Variants in ZNF800 observed in about 807,000 individuals in gnomAD.
ZNF800 encodes the protein zinc finger protein 800.
In ZNF800, 13 loss-of-function variants were observed where a neutral mutation model predicts 59.5. That is an observed-to-expected ratio of 0.22 (90% CI 0.14 to 0.35). The LOEUF (loss-of-function observed/expected upper bound fraction) is 0.35. ZNF800 is among the 10% of genes least tolerant of loss of function. The probability of loss-of-function intolerance (pLI) is 1.00; values close to 1 mark genes in which losing one functional copy is unlikely to be tolerated. For synonymous variants in ZNF800, 266 were observed against 265.7 expected (o/e 1.00, Z -0.01); for missense variants, 621 against 783.7 (o/e 0.79, Z 2.48).
chr7:127,344,789 T>C (rs1384855612), downstream of ZNF800, among the ~76,000 whole-genome samples: 1 of 152,100 alleles, frequency 6.6e-6, no homozygotes. Context: ...TAAATGATGA[T>C]ACAACAACTA....
At chr7:127,384,674 G>A (rs1012218186) in intron 3 of ZNF800, among the ~76,000 whole-genome samples, 1 of 151,990 alleles carries the variant, frequency 6.6e-6, no homozygotes, top group Non-Finnish European at 1.5e-5. Flanking sequence ...TCATTTCCAT[G>A]GTATGAGAAA....
At chr7:127,351,019 TGA>T (rs1221829638) in intron 1 of ZNF800, among the ~76,000 whole-genome samples, 2 of 152,238 alleles carry the variant, frequency 1.3e-5, no homozygotes, top group Non-Finnish European at 2.9e-5. Context: ...CTGGATGCAC[TGA>T]GAGGCATCAA....
chr7:127,367,087 CT>C (rs1409373063), downstream of ZNF800, among the ~76,000 whole-genome samples: 1 of 152,102 alleles, frequency 6.6e-6, no homozygotes, highest in African/African-American at 2.4e-5. Flanking sequence ...AGAAGCAATA[CT>C]TCTGCTGCTC....
At chr7:127,343,630 A>G (rs941265357), downstream of ZNF800, among the ~76,000 whole-genome samples, 2 of 152,022 alleles carry the variant, frequency 1.3e-5, no homozygotes, top group African/African-American at 4.8e-5. Context: ...TTCATATGCT[A>G]TGTACCAATC....
intron 1 of ZNF800, chr7:127,361,259 AAG>A (rs1418521066): frequency 6.6e-6 from 1 of 152,108 alleles, no homozygotes; most frequent in African/African-American, 2.4e-5. Flanking sequence ...CCTTAGAAAA[AAG>A]AGCACGAATT....
At chr7:127,356,342 A>T (rs1037298805) in intron 1 of ZNF800, among the ~76,000 whole-genome samples, 2 of 151,934 alleles carry the variant, frequency 1.3e-5, no homozygotes, top group Admixed American at 6.6e-5. Context: ...AGAAATTTCT[A>T]AAAATGTATT....
intron 1 of ZNF800, among the ~76,000 whole-genome samples, chr7:127,353,490 T>C (rs1444057982): frequency 1.3e-5 from 2 of 152,214 alleles, no homozygotes; most frequent in Admixed American, 1.3e-4. Flanking sequence ...GAATTTTAAC[T>C]ATGATGATGG....
At chr7:127,363,409 T>G (rs1434825566) in intron 1 of ZNF800, 2 of 151,610 alleles carry the variant, frequency 1.3e-5, no homozygotes, top group African/African-American at 4.9e-5. Context: ...CAAAAGCCAG[T>G]GGCAAAAGAG....
In ZNF800 at chr7:127,374,614, G is replaced by A. The variant is rs773581181; in HGVS notation, c.722C>T (p.Ser241Phe). ...ICCLCRKEFN[S>F]RRGVRRHIRK... ...AATGTGACGGCGAACACCTCGTCTA[G>A]AATTGAATTCTTTTCTACAAAGACA... The change falls in exon 5 of 6, where the codon TCT becomes TTT. Residue 241 changes from serine to phenylalanine, a missense_variant. This residue lies in a region of ZNF800 where 218 missense variants were observed against 230.8 expected (regional missense o/e 0.94). Transcript: ENST00000265827. 1 of 1,614,052 alleles carries A rather than the reference G, an allele frequency of 6.2e-7. No homozygotes were observed. Among genetic ancestry groups the A allele is most frequent in the South Asian group, 1.1e-5 (1 of 91,078 alleles).
rs534708400 is a variant in ZNF800, at chr7:127,377,604, T to A, written c.158-275A>T. Among the ~76,000 whole-genome samples the A allele has an allele frequency of 6.6e-6, 1 of 152,102 alleles. No homozygotes were observed. The highest frequency in any genetic ancestry group is 2.1e-4 in the South Asian group (1 of 4,824). On this transcript the variant is annotated intron_variant, in intron 3 of 5. Coordinates refer to ENST00000265827, the MANE Select transcript of ZNF800 (RefSeq NM_176814.5). This position sits in a 1 kb window ranked among gnomAD's most constrained non-coding sequence, Gnocchi z 4.7. ...TTCTTGATATATCCCAAGGCAGTGG[T>A]TCCGACATGAGGTTAATCATTACAA...
At chr7:127,349,792 A>G (rs1361937) in intron 1 of ZNF800, 138,371 of 152,276 alleles carry the variant, frequency 0.91, 62,978 homozygotes, top group East Asian at 1. Flanking sequence ...AAAAACCTTA[A>G]TATTCCCCAA....
At position 127,392,303 on chromosome 7, in the gene ZNF800, C is replaced by G. The variant is rs1013403798; in HGVS notation, c.-302G>C. ...AGACGACTGCGGCGGCGGCTCACGG[C>G]GTCCTCCGCGCTGTGTGGCTAGGCG... is the stretch of plus-strand genomic sequence containing the variant. On this transcript the variant is annotated 5_prime_UTR_variant, in exon 1 of 6. Transcript: ENST00000265827. 2.6e-6 allele frequency: 1 copy of G among 388,492 alleles called. No individual in the cohort carries two copies. Among genetic ancestry groups the G allele is most frequent in the African/African-American group, 2.1e-5 (1 of 48,134 alleles). 24.1% of individuals were successfully genotyped at this position (388,492 alleles called of 1,614,324 possible).
downstream of ZNF800, among the ~76,000 whole-genome samples, chr7:127,367,667 T>C (rs1800542012): frequency 6.6e-6 from 1 of 152,148 alleles, no homozygotes; most frequent in African/African-American, 2.4e-5. Context: ...TCCATCAATA[T>C]TGAGAAGATA....
intron 1 of ZNF800, among the ~76,000 whole-genome samples, chr7:127,349,128 A>C (rs1800126313): frequency 6.6e-6 from 1 of 152,164 alleles, no homozygotes; most frequent in African/African-American, 2.4e-5. Flanking sequence ...ACTTGGGAAC[A>C]CACAGTTTGC....
At position 127,382,893 on chromosome 7, in the gene ZNF800, T is replaced by C. The variant is rs1035302217; in HGVS notation, c.157+3167A>G. ...AAAGGGGAACTGAAGGACAGAATAG[T>C]ATAGAAACTTATTTTTTCCTCTATA... On this transcript the variant is annotated intron_variant, in intron 3 of 5. Coordinates refer to ENST00000265827, the MANE Select transcript of ZNF800 (RefSeq NM_176814.5). Among the ~76,000 whole-genome samples, 5 of 152,330 alleles carry C rather than the reference T, an allele frequency of 3.3e-5. No individual in the cohort carries two copies. In the South Asian group the frequency reaches 6.2e-4, roughly 19 times the overall value.
At chr7:127,347,568 C>T (rs1208469971) in exon 2 of ZNF800, 9 of 152,264 alleles carry the variant, frequency 5.9e-5, no homozygotes, top group Non-Finnish European at 1.3e-4. Context: ...TCAAAGAAGC[C>T]GGGATTTTGG....
At chr7:127,361,514 G>A (rs537062447) in intron 1 of ZNF800, 3 of 152,142 alleles carry the variant, frequency 2.0e-5, no homozygotes, top group South Asian at 2.1e-4. Flanking sequence ...CCAGGAGTTC[G>A]AGGCTGCAGT....
At chr7:127,375,363 A>G (rs981012329) in intron 4 of ZNF800, among the ~76,000 whole-genome samples, 2 of 152,114 alleles carry the variant, frequency 1.3e-5, no homozygotes, top group Non-Finnish European at 2.9e-5. Context: ...TTTTAGTCTG[A>G]ATGTTTTAGA....
At chr7:127,384,684 A>T (rs573197229) in intron 3 of ZNF800, among the ~76,000 whole-genome samples, 1 of 152,306 alleles carries the variant, frequency 6.6e-6, no homozygotes, top group South Asian at 2.1e-4. Context: ...GGTATGAGAA[A>T]GAACCAAAAA....
Sources: allele counts gnomAD v4.1 joint callset (sites outside exome capture counted in the v4.1 genomes callset), GRCh38; gene constraint gnomAD v4.1.1; regional missense constraint gnomAD v4.1.1; non-coding constraint Gnocchi (gnomAD v3.1); transcripts MANE v1.5; gene names NCBI Gene and HGNC (gene_info 2026-07-23, HGNC 2026-07-21).